The following VPS53 variants were observed in gnomAD, a reference collection of about 807,000 sequenced individuals.
VPS53 encodes the protein vacuolar protein sorting-associated protein 53 homolog.
VPS53 carries 70 observed loss-of-function variants against 107.0 expected under a neutral mutation model. The ratio of observed to expected loss-of-function variants is 0.65; its 90% confidence interval spans 0.54 to 0.80. VPS53 has a LOEUF of 0.80. VPS53 is among the 30% of genes least tolerant of loss of function. VPS53 has a pLI of 0.00. For synonymous variants in VPS53, 409 were observed against 393.3 expected (o/e 1.04, Z -0.47); for missense variants, 917 against 1,049.4 (o/e 0.87, Z 1.74).
intron 17 of VPS53, among the ~76,000 whole-genome samples, chr17:547,872 T>C (rs997721838): frequency 1.3e-5 from 2 of 152,096 alleles, no homozygotes; most frequent in Non-Finnish European, 2.9e-5. Flanking sequence ...TCAGATGATT[T>C]GCACTCCTCA....
intron 11 of VPS53, among the ~76,000 whole-genome samples, chr17:611,644 T>C (rs997146612): frequency 3.9e-5 from 6 of 152,246 alleles, no homozygotes; most frequent in African/African-American, 1.4e-4. Context: ...TTCACAGCAG[T>C]ATTCATACAG....
rs534131250 is a variant in VPS53 at position 633,921 on chromosome 17, G to GC, written c.609-2294dup. 1.0e-3 allele frequency among the ~76,000 whole-genome samples: 155 copies of GC among 152,218 alleles called. 1 individual carries two copies. Among genetic ancestry groups the GC allele is most frequent in the African/African-American group, 3.4e-3 (141 of 41,518 alleles). ...CACAGGACAGCTTCCAGAGGCTCAGGCCCCCCCTGTTCCTACCCTCTTCTT... is the reference window on the plus strand; with the variant it reads ...CACAGGACAGCTTCCAGAGGCTCAGGCCCCCCCCTGTTCCTACCCTCTTCTT... On this transcript the variant is annotated intron_variant, in intron 7 of 21. Transcript: ENST00000437048.
intron 11 of VPS53, among the ~76,000 whole-genome samples, chr17:609,292 T>G (rs956153820): frequency 6.6e-6 from 1 of 152,238 alleles, no homozygotes. Context: ...CGGCATGGTG[T>G]GTCCAAGGTT....
chr17:521,856 A>G, intron 19 of VPS53, 118 bp from the exon 20 acceptor site: 1 of 1,227,174 alleles, frequency 8.1e-7, no homozygotes, highest in Non-Finnish European at 1.0e-6. Context: ...GTTGCAAAAA[A>G]TTGGGGAAAT....
chr17:508,936 A>G lies in VPS53; in HGVS notation c.*10192T>C, dbSNP rs1407465655. ...ATTTGAACTCATAAAATGTATTCATAAAATACTTTTATCTATTTTGTATAG... is the reference window on the plus strand; with the variant it reads ...ATTTGAACTCATAAAATGTATTCATGAAATACTTTTATCTATTTTGTATAG... On this transcript the variant is annotated 3_prime_UTR_variant, in exon 22 of 22. Transcript: ENST00000437048. The G allele has an allele frequency of 6.6e-6, 1 of 152,224 alleles. No homozygotes were observed. Among genetic ancestry groups the G allele is most frequent in the Non-Finnish European group, 1.5e-5 (1 of 68,046 alleles). The allele number at this position is 152,224 out of a possible 1,614,324, so 9.4% of individuals were successfully genotyped here.
intron 13 of VPS53, among the ~76,000 whole-genome samples, chr17:577,495 C>A (rs774091355): frequency 6.6e-6 from 1 of 151,370 alleles, no homozygotes; most frequent in South Asian, 2.1e-4. Flanking sequence ...GGACCTAATG[C>A]GGTCCCAGAG....
Position 558,250 on chromosome 17 carries a change from G to A in VPS53, c.1704+2176C>T, listed in dbSNP as rs1006842750. ...TGGAAGGCCAAGGTGAGTGGATCAC[G>A]AGGTCAGGAGATTGAGACCATCCTG... On this transcript the variant is annotated intron_variant, in intron 15 of 21. Transcript: ENST00000437048. Among the ~76,000 whole-genome samples, 32 of 152,014 alleles carry A rather than the reference G, an allele frequency of 2.1e-4. 2 individuals are homozygous for A. The highest frequency in any genetic ancestry group is 1.1e-3 in the Admixed American group (17 of 15,256).
intron 7 of VPS53, among the ~76,000 whole-genome samples, chr17:640,331 T>C (rs538585184): frequency 6.6e-6 from 1 of 152,136 alleles, no homozygotes. Flanking sequence ...GGGAATTCCC[T>C]GACCCCTTGC....
intron 7 of VPS53, among the ~76,000 whole-genome samples, chr17:640,613 T>C (rs1434396951): frequency 6.6e-6 from 1 of 152,022 alleles, no homozygotes; most frequent in Non-Finnish European, 1.5e-5. Context: ...ATGTTACTAG[T>C]GAGCCGCATA....
At chr17:558,440 T>C (rs1191494439) in intron 15 of VPS53, among the ~76,000 whole-genome samples, 1 of 151,898 alleles carries the variant, frequency 6.6e-6, no homozygotes, top group Non-Finnish European at 1.5e-5. Flanking sequence ...GAGACTATCC[T>C]GGCTAACACA....
At chr17:611,766 T>C (rs1968888428) in intron 11 of VPS53, among the ~76,000 whole-genome samples, 1 of 151,734 alleles carries the variant, frequency 6.6e-6, no homozygotes, top group Non-Finnish European at 1.5e-5. Flanking sequence ...GTACAAATAT[T>C]CACATAGTGA....
intron 1 of VPS53, among the ~76,000 whole-genome samples, chr17:713,869 C>T (rs979638078): frequency 2.9e-5 from 4 of 140,320 alleles, no homozygotes; most frequent in African/African-American, 1.1e-4. Flanking sequence ...GTGAAACCCC[C>T]GTCTTTACCC....
At chr17:545,150 A>G (rs971046603) in intron 17 of VPS53, among the ~76,000 whole-genome samples, 1 of 152,206 alleles carries the variant, frequency 6.6e-6, no homozygotes, top group African/African-American at 2.4e-5. Flanking sequence ...GTAACTCATC[A>G]GCAACACTAC....
intron 12 of VPS53, among the ~76,000 whole-genome samples, chr17:599,297 T>C (rs1968201054): frequency 6.6e-6 from 1 of 152,182 alleles, no homozygotes; most frequent in African/African-American, 2.4e-5. Context: ...ATGGCGGCTT[T>C]GTGGAATAGA....
chr17:706,432 G>C (rs1180193222), intron 2 of VPS53, among the ~76,000 whole-genome samples: 1 of 151,644 alleles, frequency 6.6e-6, no homozygotes, highest in African/African-American at 2.4e-5. Context: ...AGCTACTCAG[G>C]AGGCTGAGGC....
intron 4 of VPS53, among the ~76,000 whole-genome samples, chr17:665,671 T>C (rs1345134482): frequency 1.3e-5 from 2 of 152,166 alleles, no homozygotes; most frequent in Non-Finnish European, 2.9e-5. Flanking sequence ...TGGAACTTCT[T>C]AGAAATTACT....
At chr17:525,893 A>G (rs1909093799) in intron 19 of VPS53, among the ~76,000 whole-genome samples, 1 of 146,254 alleles carries the variant, frequency 6.8e-6, no homozygotes, top group South Asian at 2.3e-4. Context: ...GCTACTCGGG[A>G]GGCTGAGGCA....
intron 2 of VPS53, chr17:706,081 C>G (rs545152687): frequency 6.6e-6 from 1 of 152,224 alleles, no homozygotes; most frequent in Non-Finnish European, 1.5e-5. Flanking sequence ...CTTTCCGTGC[C>G]TCGTGATTCT....
intron 5 of VPS53, chr17:657,089 G>A: frequency 9.8e-7 from 1 of 1,024,900 alleles, no homozygotes; most frequent in Non-Finnish European, 1.6e-6. Flanking sequence ...CATCTTGCCA[G>A]TCTCCAAATC....
Sources: gnomAD v4.1 joint callset for allele counts (sites outside exome capture counted in the v4.1 genomes callset) on GRCh38, gnomAD v4.1.1 for gene constraint, MANE v1.5 for transcripts, NCBI Gene and HGNC (gene_info 2026-07-23, HGNC 2026-07-21) for gene names.